STOM: variants seen among roughly 807,000 people sequenced by gnomAD.
STOM encodes stomatin.
STOM carries 25 observed loss-of-function variants against 30.6 expected under a neutral mutation model. The observed-to-expected ratio is 0.82, with a 90% CI of 0.60 to 1.14. The LOEUF is 1.14. Among genes scored for constraint, STOM ranks in the 50% most tolerant of loss-of-function variants. The probability of loss-of-function intolerance (pLI) is 0.00; values close to 1 mark genes in which losing one functional copy is unlikely to be tolerated. For missense variants in STOM, 292 were observed against 365.2 expected (o/e 0.80, Z 1.63); for synonymous variants, 118 against 130.8 (o/e 0.90, Z 0.67).
chr9:121,362,475 G>C (rs2064462883), intron 1 of STOM, among the ~76,000 whole-genome samples: 1 of 151,982 alleles, frequency 6.6e-6, no homozygotes. Context: ...GAAATCTGTT[G>C]TGTCCAAATT....
At chr9:121,342,988 ATTCT>A (rs2064260083) in intron 6 of STOM, among the ~76,000 whole-genome samples, 1 of 152,182 alleles carries the variant, frequency 6.6e-6, no homozygotes, top group Admixed American at 6.5e-5. Context: ...TCAGTTTCCC[ATTCT>A]TAAAGCAGAC....
chr9:121,366,147 C>T, intron 1 of STOM: 1 of 985,246 alleles, frequency 1.0e-6, no homozygotes, highest in East Asian at 1.1e-4. Flanking sequence ...ACCACAAGTT[C>T]AGTATAGTTT....
chr9:121,361,001 C>G (rs2064445838), intron 1 of STOM, among the ~76,000 whole-genome samples: 1 of 152,148 alleles, frequency 6.6e-6, no homozygotes, highest in African/African-American at 2.4e-5. Flanking sequence ...CTACCTTCAC[C>G]TCTCAAAATT....
intron 5 of STOM, among the ~76,000 whole-genome samples, chr9:121,348,871 T>C (rs915269141): frequency 2.0e-5 from 3 of 152,158 alleles, no homozygotes; most frequent in African/African-American, 7.2e-5. Context: ...AAAAAGGTTA[T>C]TACTGATTCT....
chr9:121,358,612 A>C (rs774512794), intron 1 of STOM, among the ~76,000 whole-genome samples: 1 of 152,162 alleles, frequency 6.6e-6, no homozygotes, highest in Non-Finnish European at 1.5e-5. Flanking sequence ...TTTCCAATAT[A>C]ATTACATCAT....
In STOM at chr9:121,340,916, A is replaced by G; in HGVS notation, c.*286T>C. ...TCTGGCCTGGGTGCTTAGGGGGTTC[A>G]GAATGAGTCAGTGGAAGTCAAAACA... On this transcript the variant is annotated 3_prime_UTR_variant, in exon 7 of 7. Coordinates refer to ENST00000286713, the MANE Select transcript of STOM (RefSeq NM_004099.6). 1 of 1,232,890 alleles carries G rather than the reference A, an allele frequency of 8.1e-7. No homozygotes were observed. The highest frequency in any genetic ancestry group is 1.0e-6 in the Non-Finnish European group (1 of 974,816). The allele number at this position is 1,232,890 out of a possible 1,614,324, so 76.4% of individuals were successfully genotyped here. A position where few individuals can be genotyped will look rare whatever the true frequency, so the allele number is the denominator to read the frequency against.
chr9:121,363,325 A>T (rs1297778613), intron 1 of STOM, among the ~76,000 whole-genome samples: 1 of 152,154 alleles, frequency 6.6e-6, no homozygotes, highest in South Asian at 2.1e-4. Context: ...GGGTAACAGT[A>T]GGCCAAATTG....
At chr9:121,354,748 T>C (rs2064369752) in intron 2 of STOM, 75 bp from the exon 3 acceptor site, 1 of 1,158,004 alleles carries the variant, frequency 8.6e-7, no homozygotes, top group African/African-American at 1.6e-5. Flanking sequence ...TAAATATATA[T>C]TTCTGCTCTA....
At chr9:121,357,171 AT>A (rs1247210617) in intron 1 of STOM, among the ~76,000 whole-genome samples, 2 of 152,028 alleles carry the variant, frequency 1.3e-5, no homozygotes, top group Non-Finnish European at 2.9e-5. Flanking sequence ...CCACTTCCTG[AT>A]TACACAGGTT....
Position 121,340,437 on chromosome 9 carries a change from CTTAA to C in STOM, c.*761_*764del. ...AATAAATGAACATTAGGGAAATTTC[CTTAA>C]TTAAGACTCTCCAAACCAGGTGTGG... On this transcript the variant is annotated 3_prime_UTR_variant, in exon 7 of 7. Transcript: ENST00000286713. 1.0e-6 allele frequency: 1 copy of C among 985,260 alleles called. No homozygotes were observed. Among genetic ancestry groups the C allele is most frequent in the Non-Finnish European group, 1.2e-6 (1 of 829,900 alleles). 61.0% of individuals were successfully genotyped at this position (985,260 alleles called of 1,614,324 possible). A position where few individuals can be genotyped will look rare whatever the true frequency, so the allele number is the denominator to read the frequency against.
chr9:121,355,253 AT>A (rs1395041539), intron 2 of STOM, among the ~76,000 whole-genome samples: 2,881 of 140,410 alleles, frequency 0.021, 179 homozygotes, highest in East Asian at 0.09. Context: ...AAAAAAAATA[AT>A]AATAATAATA....
chr9:121,344,124 C>A (rs2064269493), intron 6 of STOM, among the ~76,000 whole-genome samples: 1 of 152,148 alleles, frequency 6.6e-6, no homozygotes, highest in African/African-American at 2.4e-5. Flanking sequence ...ATATAGTACT[C>A]ACTGAGAGAA....
chr9:121,349,736 A>C (rs896183697), intron 4 of STOM, among the ~76,000 whole-genome samples: 1 of 152,194 alleles, frequency 6.6e-6, no homozygotes, highest in Non-Finnish European at 1.5e-5. Context: ...AGAGAGAGGC[A>C]CTAGAGAGTC....
intron 6 of STOM, among the ~76,000 whole-genome samples, chr9:121,343,789 G>A (rs900889597): frequency 3.3e-5 from 5 of 152,178 alleles, no homozygotes; most frequent in African/African-American, 1.2e-4. Flanking sequence ...CATTCTGTAG[G>A]CAATGGGAAG....
At chr9:121,350,486 T>G (rs1421206119) in intron 4 of STOM, among the ~76,000 whole-genome samples, 2 of 152,222 alleles carry the variant, frequency 1.3e-5, no homozygotes, top group African/African-American at 4.8e-5. Flanking sequence ...GCTTGAAACA[T>G]AGCGGGTAGT....
chr9:121,366,182 T>C (rs1395196667), intron 1 of STOM: 1 of 985,274 alleles, frequency 1.0e-6, no homozygotes, highest in Non-Finnish European at 1.2e-6. Flanking sequence ...TTTAGGACTT[T>C]ATTGGTTGTA....
In STOM at chr9:121,341,161, T is replaced by C. The variant is rs1451737036; in HGVS notation, c.*41A>G. The C allele has an allele frequency of 6.2e-7, 1 of 1,612,662 alleles. No individual in the cohort carries two copies. Among genetic ancestry groups the C allele is most frequent in the Non-Finnish European group, 8.5e-7 (1 of 1,178,992 alleles). ...CTTTATGAGTTAAAGGCTAATTTGG[T>C]CCCCGACTTCATGCTTGGAAGGCTA... On this transcript the variant is annotated 3_prime_UTR_variant, in exon 7 of 7. Coordinates refer to ENST00000286713, the MANE Select transcript of STOM (RefSeq NM_004099.6).
At chr9:121,347,724 T>C (rs565245818) in intron 6 of STOM, among the ~76,000 whole-genome samples, 1 of 152,122 alleles carries the variant, frequency 6.6e-6, no homozygotes. Flanking sequence ...ATATTAATAT[T>C]AAATGAAAAA....
chr9:121,343,336 C>A (rs531484054), intron 6 of STOM, among the ~76,000 whole-genome samples: 2 of 152,286 alleles, frequency 1.3e-5, no homozygotes, highest in East Asian at 3.9e-4. Flanking sequence ...ATTTCATTCA[C>A]TCACACAGCA....
Sources: gnomAD v4.1 joint callset for allele counts (sites outside exome capture counted in the v4.1 genomes callset) on GRCh38, gnomAD v4.1.1 for gene constraint, MANE v1.5 for transcripts, NCBI Gene and HGNC (gene_info 2026-07-23, HGNC 2026-07-21) for gene names.